Variants in ANO3 observed in about 807,000 individuals in gnomAD.
The protein encoded by ANO3 is anoctamin-3.
Under a neutral mutation model 144.8 loss-of-function variants are expected in ANO3, and 99 were observed. That is an observed-to-expected ratio of 0.68 (90% confidence interval 0.58 to 0.81). The LOEUF (loss-of-function observed/expected upper bound fraction) is 0.81, where lower values mean the gene tolerates loss of function less well. Among genes scored for constraint, ANO3 ranks in the 30% least tolerant of loss-of-function variants. The pLI is 0.00. For missense variants in ANO3, 905 were observed against 1,202.2 expected (o/e 0.75, Z 3.66); for synonymous variants, 414 against 392.6 (o/e 1.05, Z -0.64).
chr11:26,604,273 G>A (rs1365012993), intron 17 of ANO3, among the ~76,000 whole-genome samples: 1 of 152,086 alleles, frequency 6.6e-6, no homozygotes, highest in Admixed American at 6.5e-5. Flanking sequence ...TGGTGTATAT[G>A]ACTGTTTTGA....
At chr11:26,597,587 A>C (rs1042759522) in intron 14 of ANO3, among the ~76,000 whole-genome samples, 13 of 152,186 alleles carry the variant, frequency 8.5e-5, no homozygotes, top group African/African-American at 3.1e-4. Flanking sequence ...GCCGTAACAA[A>C]CACGGACCAG....
chr11:26,447,079 C>T (rs1187947680), intron 3 of ANO3, among the ~76,000 whole-genome samples: 2 of 151,776 alleles, frequency 1.3e-5, no homozygotes, highest in Admixed American at 6.6e-5. Flanking sequence ...CACGGTGGCA[C>T]GACTGTAGTC....
At chr11:26,559,906 G>T (rs1850219960) in intron 14 of ANO3, 127 bp downstream of exon 14, 1 of 707,224 alleles carries the variant, frequency 1.4e-6, no homozygotes, top group South Asian at 2.0e-5. Context: ...AAGCCTCTAG[G>T]TTGGTACTTG....
chr11:26,531,933 C>G (rs1045975390), intron 8 of ANO3, among the ~76,000 whole-genome samples: 1 of 152,116 alleles, frequency 6.6e-6, no homozygotes, highest in African/African-American at 2.4e-5. Flanking sequence ...GAACTTATGA[C>G]ACAGTTTCTA....
chr11:26,621,260 G>T (rs143055056), intron 17 of ANO3, among the ~76,000 whole-genome samples: 7 of 152,076 alleles, frequency 4.6e-5, no homozygotes, highest in Non-Finnish European at 8.8e-5. Flanking sequence ...GCTTACCATG[G>T]CCTACTGTGC....
At chr11:26,479,034 G>A (rs868246227) in intron 4 of ANO3, among the ~76,000 whole-genome samples, 2 of 152,268 alleles carry the variant, frequency 1.3e-5, no homozygotes, top group Middle Eastern at 3.4e-3. Context: ...GAATGAGACA[G>A]AGAAAAAAGC....
intron 11 of ANO3, among the ~76,000 whole-genome samples, chr11:26,542,795 A>T (rs536095207): frequency 2.6e-4 from 39 of 152,184 alleles, no homozygotes; most frequent in African/African-American, 9.4e-4. Flanking sequence ...TTTAGAGATC[A>T]TGAAATCTGT....
At chr11:26,202,257 ATAT>A (rs1262621225) in intron 1 of ANO3, among the ~76,000 whole-genome samples, 1 of 145,866 alleles carries the variant, frequency 6.9e-6, no homozygotes, top group African/African-American at 2.5e-5. Context: ...ATTATATTAT[ATAT>A]TAATATCTAT....
rs536049041 is a variant in ANO3 at position 26,252,208 on chromosome 11, T to A, written c.155-57437T>A. On this transcript the variant is annotated intron_variant, in intron 1 of 27. Coordinates refer to the ANO3 transcript ENST00000672621. ...TTTAATACAACTTTTTTAAATGACA[T>A]ATTTGTTTTGTAACTGACTTAGTCT... Among the ~76,000 whole-genome samples, 6 of 152,188 alleles carry A rather than the reference T, an allele frequency of 3.9e-5. No homozygotes were observed. The East Asian group carries it at 9.6e-4, about 24-fold the overall frequency.
chr11:26,326,608 C>T (rs1018192837), intron 1 of ANO3, among the ~76,000 whole-genome samples: 1 of 152,160 alleles, frequency 6.6e-6, no homozygotes, highest in Non-Finnish European at 1.5e-5. Flanking sequence ...ATAGAGACCA[C>T]ACTGTTCACT....
At chr11:26,425,331 CT>C (rs1368672754) in intron 1 of ANO3, among the ~76,000 whole-genome samples, 1 of 152,084 alleles carries the variant, frequency 6.6e-6, no homozygotes, top group African/African-American at 2.4e-5. Context: ...AAACATTCCC[CT>C]ATCACTTCCT....
intron 1 of ANO3, among the ~76,000 whole-genome samples, chr11:26,406,684 T>C (rs1857285916): frequency 9.7e-6 from 1 of 102,818 alleles, no homozygotes; most frequent in East Asian, 2.5e-4. Flanking sequence ...GCAGTGTGTG[T>C]GTGTGTGTGT....
At chr11:26,604,539 C>G (rs895234664) in intron 17 of ANO3, among the ~76,000 whole-genome samples, 3 of 152,140 alleles carry the variant, frequency 2.0e-5, no homozygotes, top group African/African-American at 7.2e-5. Context: ...TTCTTCCTAA[C>G]CATGAGAATA....
intron 1 of ANO3, among the ~76,000 whole-genome samples, chr11:26,265,037 TA>T (rs1289770585): frequency 3.3e-5 from 5 of 151,886 alleles, no homozygotes; most frequent in Admixed American, 6.6e-5. Flanking sequence ...AAATCAAGAA[TA>T]AAAAAGATGA....
intron 1 of ANO3, among the ~76,000 whole-genome samples, chr11:26,262,003 A>C (rs1235018817): frequency 6.6e-6 from 1 of 152,170 alleles, no homozygotes; most frequent in Non-Finnish European, 1.5e-5. Flanking sequence ...AAAATGTTCA[A>C]ATGTAAGGGC....
chr11:26,360,094 A>T (rs1855884688), intron 1 of ANO3, among the ~76,000 whole-genome samples: 2 of 151,430 alleles, frequency 1.3e-5, no homozygotes, highest in Non-Finnish European at 2.9e-5. Context: ...AAAATCTTCT[A>T]GTGTTTTTTA....
intron 4 of ANO3, among the ~76,000 whole-genome samples, chr11:26,471,557 A>G (rs566537225): frequency 1.6e-4 from 25 of 152,050 alleles, no homozygotes; most frequent in Admixed American, 1.6e-3. Flanking sequence ...CAATCAAAAT[A>G]TGAAATAAGC....
At position 26,203,323 on chromosome 11, in the gene ANO3, C is replaced by T. The variant is rs141578448; in HGVS notation, c.154+13993C>T. ...AAAATTTAGGAGAGGCAACATTGTA[C>T]GCTACCTTTTTAGTGCTTTTTCCAA... is the stretch of plus-strand genomic sequence containing the variant. On this transcript the variant is annotated intron_variant, in intron 1 of 27. Coordinates refer to the ANO3 transcript ENST00000672621. Among the ~76,000 whole-genome samples, 66 of 152,214 alleles carry T rather than the reference C, an allele frequency of 4.3e-4. No individual in the cohort carries two copies. The East Asian group carries it at 0.012, about 29-fold the overall frequency.
At chr11:26,312,554 G>T (rs182193479) in intron 1 of ANO3, among the ~76,000 whole-genome samples, 9 of 152,260 alleles carry the variant, frequency 5.9e-5, no homozygotes, top group Non-Finnish European at 1.3e-4. Context: ...GTGTGAGATG[G>T]TATCTCATTA....
Sources: allele counts gnomAD v4.1 joint callset (sites outside exome capture counted in the v4.1 genomes callset), GRCh38; gene constraint gnomAD v4.1.1; transcripts MANE v1.5; gene names NCBI Gene and HGNC (gene_info 2026-07-23, HGNC 2026-07-21).